The following LRMDA variants were observed in gnomAD, a reference collection of about 807,000 sequenced individuals.
LRMDA encodes leucine rich melanocyte differentiation associated.
LRMDA carries 18 observed loss-of-function variants against 29.8 expected under a neutral mutation model. The ratio of observed to expected loss-of-function variants is 0.60; its 90% CI spans 0.42 to 0.90. The LOEUF is 0.90. Ranked by LOEUF, LRMDA falls within the 40% of genes least tolerant of loss-of-function variation. The pLI is 0.00. For missense variants in LRMDA, 273 were observed against 273.9 expected (o/e 1.00, Z 0.02); for synonymous variants, 125 against 109.4 (o/e 1.14, Z -0.89).
At chr10:75,607,824 GTT>G (rs5786180) in intron 2 of LRMDA, among the ~76,000 whole-genome samples, 2,237 of 72,286 alleles carry the variant, frequency 0.031, 69 homozygotes, top group African/African-American at 0.096. Context: ...TGATTCAGTG[GTT>G]TTTTTTTTTT....
At chr10:76,233,272 G>A (rs1369828489) in intron 5 of LRMDA, among the ~76,000 whole-genome samples, 1 of 152,146 alleles carries the variant, frequency 6.6e-6, no homozygotes, top group Non-Finnish European at 1.5e-5. Flanking sequence ...TAGTCTGTGA[G>A]GTGTATGATA....
At chr10:75,456,001 C>G (rs758430788) in intron 2 of LRMDA, among the ~76,000 whole-genome samples, 2 of 152,200 alleles carry the variant, frequency 1.3e-5, no homozygotes, top group Non-Finnish European at 2.9e-5. Context: ...TCTTCCCACA[C>G]CCAAAGACAT....
intron 2 of LRMDA, among the ~76,000 whole-genome samples, chr10:75,959,009 C>T (rs541014544): frequency 9.2e-4 from 140 of 152,230 alleles, no homozygotes; most frequent in Non-Finnish European, 1.7e-3. Flanking sequence ...TATCTCCCAC[C>T]GGGTCTCTCC....
intron 2 of LRMDA, among the ~76,000 whole-genome samples, chr10:75,561,935 A>G (rs138468034): frequency 0.11 from 16,063 of 151,982 alleles, 1,165 homozygotes; most frequent in Non-Finnish European, 0.14. Context: ...TTTGGTGAGG[A>G]GAGCTTTACT....
chr10:76,327,829 G>T (rs1264362788), intron 6 of LRMDA, among the ~76,000 whole-genome samples: 1 of 152,176 alleles, frequency 6.6e-6, no homozygotes. Context: ...AACCATCAGG[G>T]ATGGGTGTCA....
At chr10:76,105,860 T>C (rs1240741795) in intron 5 of LRMDA, among the ~76,000 whole-genome samples, 2 of 152,162 alleles carry the variant, frequency 1.3e-5, no homozygotes, top group Non-Finnish European at 2.9e-5. Context: ...AATTCTCCTG[T>C]CTCAGCCTCC....
At chr10:76,315,890 C>G (rs1840690717) in intron 5 of LRMDA, among the ~76,000 whole-genome samples, 1 of 152,106 alleles carries the variant, frequency 6.6e-6, no homozygotes, top group Non-Finnish European at 1.5e-5. Context: ...CCCTTTGAGC[C>G]CATAGACACC....
At chr10:76,260,057 A>G (rs138874326) in intron 5 of LRMDA, among the ~76,000 whole-genome samples, 2,174 of 151,874 alleles carry the variant, frequency 0.014, 34 homozygotes, top group African/African-American at 0.046. Flanking sequence ...TTTTAATTGG[A>G]GAATTTAATC....
intron 3 of LRMDA, among the ~76,000 whole-genome samples, chr10:76,042,721 G>A (rs1262949323): frequency 6.6e-6 from 1 of 152,018 alleles, no homozygotes; most frequent in African/African-American, 2.4e-5. Flanking sequence ...TCATTATTTG[G>A]TGAAATTTTG....
intron 2 of LRMDA, among the ~76,000 whole-genome samples, chr10:75,992,125 T>C (rs1384546959): frequency 1.7e-4 from 26 of 152,208 alleles, no homozygotes; most frequent in Admixed American, 1.7e-3. Flanking sequence ...AATCTCTTCA[T>C]TATGCACATG....
chr10:75,627,424 A>G (rs1206900955), intron 2 of LRMDA, among the ~76,000 whole-genome samples: 14 of 152,192 alleles, frequency 9.2e-5, no homozygotes, highest in Non-Finnish European at 1.9e-4. Context: ...TGATTTTTAG[A>G]AAAGATCATA....
At chr10:76,265,458 T>TTCTGCCTTC (rs1195145595) in intron 5 of LRMDA, among the ~76,000 whole-genome samples, 1 of 152,154 alleles carries the variant, frequency 6.6e-6, no homozygotes, top group Non-Finnish European at 1.5e-5. Flanking sequence ...CGCAGCCGAA[T>TTCTGCCTTC]TCTGCCTTCT....
At chr10:76,044,559 T>G (rs1383180954) in intron 3 of LRMDA, among the ~76,000 whole-genome samples, 1 of 151,950 alleles carries the variant, frequency 6.6e-6, no homozygotes, top group Non-Finnish European at 1.5e-5. Flanking sequence ...ATTGGCTCTA[T>G]TTAAATAATT....
chr10:76,349,595 A>G (rs1326242393), intron 6 of LRMDA, among the ~76,000 whole-genome samples: 1 of 152,148 alleles, frequency 6.6e-6, no homozygotes, highest in Non-Finnish European at 1.5e-5. Flanking sequence ...AAAGTCACCT[A>G]ATAATTGTCT....
At chr10:75,571,811 A>G (rs1172154078) in intron 2 of LRMDA, among the ~76,000 whole-genome samples, 1 of 152,158 alleles carries the variant, frequency 6.6e-6, no homozygotes, top group Non-Finnish European at 1.5e-5. Context: ...GAGGGAAAAT[A>G]TGGAAAGATC....
chr10:76,283,280 A>G (rs1274901795), intron 5 of LRMDA, among the ~76,000 whole-genome samples: 3 of 152,222 alleles, frequency 2.0e-5, no homozygotes, highest in African/African-American at 4.8e-5. Flanking sequence ...TGTAATCTAC[A>G]TATGGTGCTA....
At chr10:75,496,755 G>A (rs1228163111) in intron 2 of LRMDA, among the ~76,000 whole-genome samples, 1 of 152,128 alleles carries the variant, frequency 6.6e-6, no homozygotes, top group Non-Finnish European at 1.5e-5. Flanking sequence ...TGTACTTTGA[G>A]CCTTTCTGGG....
chr10:76,139,264 G>A (rs1358783811), intron 5 of LRMDA, among the ~76,000 whole-genome samples: 1 of 152,110 alleles, frequency 6.6e-6, no homozygotes, highest in Non-Finnish European at 1.5e-5. Context: ...GAATGATGCT[G>A]TTAGTAGATA....
At chr10:76,167,182 A>C (rs2132187000) in intron 5 of LRMDA, among the ~76,000 whole-genome samples, 1 of 152,146 alleles carries the variant, frequency 6.6e-6, no homozygotes, top group South Asian at 2.1e-4. Flanking sequence ...CATTTGTTTA[A>C]GTTCCTTATA....
Sources: allele counts gnomAD v4.1 joint callset (sites outside exome capture counted in the v4.1 genomes callset), GRCh38; gene constraint gnomAD v4.1.1; transcripts MANE v1.5; gene names NCBI Gene and HGNC (gene_info 2026-07-23, HGNC 2026-07-21).